Variants in SHLD1 observed in about 807,000 individuals in gnomAD.
The protein encoded by SHLD1 is shieldin complex subunit 1.
SHLD1 carries 3 observed loss-of-function variants against 5.5 expected under a neutral mutation model. That is an observed-to-expected ratio of 0.54 (90% CI 0.25 to 1.40). The LOEUF (loss-of-function observed/expected upper bound fraction) is 1.40. Ranked by LOEUF, SHLD1 falls within the 40% of genes most tolerant of loss-of-function variation. The pLI is 0.15. For synonymous variants in SHLD1, 92 were observed against 94.3 expected (o/e 0.98, Z 0.14); for missense variants, 210 against 244.4 (o/e 0.86, Z 0.94).
chr20:5,751,380 C>T (rs1983740434), intron 1 of SHLD1, among the ~76,000 whole-genome samples: 1 of 152,136 alleles, frequency 6.6e-6, no homozygotes, highest in South Asian at 2.1e-4. Context: ...GATCTTGGCT[C>T]ACTGCAACCT....
In SHLD1 at chr20:5,855,298, G is replaced by A. The variant is rs1486170721; in HGVS notation, c.179-7726G>A. Among the ~76,000 whole-genome samples the A allele has an allele frequency of 1.3e-5, 2 of 152,124 alleles. No homozygotes were observed. Among genetic ancestry groups the A allele is most frequent in the African/African-American group, 4.8e-5 (2 of 41,406 alleles). On this transcript the variant is annotated intron_variant, in intron 2 of 2. Transcript: ENST00000303142. The surrounding 1 kb of genome is among the most constrained non-coding windows in gnomAD (Gnocchi z 4.4). The stretch of plus-strand genomic sequence containing the variant: ...GTCCTCAGGGTTCGTTCATGTTGTA[G>A]CGTGTGTCACAGTGTCCTTTCTTTT...
chr20:5,860,057 C>T (rs2122512630), intron 2 of SHLD1, among the ~76,000 whole-genome samples: 1 of 152,200 alleles, frequency 6.6e-6, no homozygotes, highest in African/African-American at 2.4e-5. Flanking sequence ...TGGGCATCCC[C>T]CGCTCTCTCC....
chr20:5,780,759 G>T (rs1027808769), intron 2 of SHLD1, among the ~76,000 whole-genome samples: 1 of 152,130 alleles, frequency 6.6e-6, no homozygotes, highest in Non-Finnish European at 1.5e-5. Flanking sequence ...CTTCATCTCA[G>T]GATTGCTCCT....
intron 1 of SHLD1, among the ~76,000 whole-genome samples, chr20:5,750,919 C>G (rs1042954896): frequency 6.6e-6 from 1 of 152,210 alleles, no homozygotes; most frequent in Admixed American, 6.6e-5. Context: ...ATCGCTTGTG[C>G]CCCGGAGTTC....
intron 2 of SHLD1, among the ~76,000 whole-genome samples, chr20:5,826,765 A>G (rs147360801): frequency 3.0e-3 from 453 of 152,268 alleles, no homozygotes; most frequent in African/African-American, 0.011. Context: ...CAGTTTCCTC[A>G]TCTGTTAAAT....
chr20:5,774,095 T>C (rs1985316052), intron 2 of SHLD1, among the ~76,000 whole-genome samples: 1 of 151,918 alleles, frequency 6.6e-6, no homozygotes, highest in South Asian at 2.1e-4. Context: ...TACCAGCTAC[T>C]CGGGAGGCTG....
chr20:5,770,066 G>A (rs568127619), intron 1 of SHLD1, among the ~76,000 whole-genome samples: 9 of 151,228 alleles, frequency 6.0e-5, no homozygotes, highest in East Asian at 5.8e-4. Flanking sequence ...GGTGAATGGC[G>A]CAGGCACTGT....
At chr20:5,794,080 T>A (rs1159515167) in intron 2 of SHLD1, among the ~76,000 whole-genome samples, 2 of 152,154 alleles carry the variant, frequency 1.3e-5, no homozygotes, top group Non-Finnish European at 2.9e-5. Context: ...TCTGATTGTT[T>A]GTTTGTTTTG....
chr20:5,810,643 C>T (rs897362500), intron 2 of SHLD1, among the ~76,000 whole-genome samples: 1 of 151,614 alleles, frequency 6.6e-6, no homozygotes, highest in Non-Finnish European at 1.5e-5. Context: ...CCTATAATCC[C>T]AGCACCTTGG....
At chr20:5,770,435 G>C (rs1985091957) in intron 1 of SHLD1, among the ~76,000 whole-genome samples, 1 of 152,168 alleles carries the variant, frequency 6.6e-6, no homozygotes, top group South Asian at 2.1e-4. Context: ...TGGAGGACAT[G>C]AAAGTTCTTC....
chr20:5,763,209 G>A (rs1428497075), intron 1 of SHLD1, among the ~76,000 whole-genome samples: 1 of 150,658 alleles, frequency 6.6e-6, no homozygotes, highest in East Asian at 2.0e-4. Flanking sequence ...AGAAGGTTGA[G>A]GCAGGAGAAT....
At chr20:5,814,654 C>CTTTTTTTTTTTTTTTTTTTTTT (rs148119460) in intron 2 of SHLD1, among the ~76,000 whole-genome samples, 1 of 103,810 alleles carries the variant, frequency 9.6e-6, no homozygotes, top group Non-Finnish European at 1.9e-5. Context: ...TTTTCTTCTT[C>CTTTTTTTTTTTTTTTTTTTTTT]TTTTTTTTTT....
chr20:5,781,173 G>A (rs1004597294), intron 2 of SHLD1, among the ~76,000 whole-genome samples: 2 of 152,148 alleles, frequency 1.3e-5, no homozygotes, highest in East Asian at 1.9e-4. Context: ...AGCAGGTGCA[G>A]GATTATAAAA....
rs73596137 is a variant in SHLD1, at chr20:5,759,360, A to G, written c.-5+8881A>G. Among the ~76,000 whole-genome samples, 162 of 151,998 alleles carry G rather than the reference A, an allele frequency of 1.1e-3. 5 individuals carry two copies. In the East Asian group the frequency reaches 0.029, roughly 27 times the overall value. ...CTGCAACCTCTGCCTCTTGGCTTCA[A>G]GCGATTCTCATGCCTCAGCCTCTCC... On this transcript the variant is annotated intron_variant, in intron 1 of 2. Coordinates refer to ENST00000303142, the MANE Select transcript of SHLD1 (RefSeq NM_152504.4).
At chr20:5,792,067 T>C (rs1424111140) in intron 2 of SHLD1, among the ~76,000 whole-genome samples, 1 of 152,248 alleles carries the variant, frequency 6.6e-6, no homozygotes, top group African/African-American at 2.4e-5. Context: ...TTTTTTGTTA[T>C]TGAGTTGTAG....
chr20:5,855,592 G>A lies in SHLD1; in HGVS notation c.179-7432G>A, dbSNP rs1168882062. Among the ~76,000 whole-genome samples the A allele has an allele frequency of 6.6e-6, 1 of 151,974 alleles. No individual in the cohort carries two copies. The highest frequency in any genetic ancestry group is 1.5e-5 in the Non-Finnish European group (1 of 67,984). ...TCATCATGTTGCCCAGGCTGGTCTT[G>A]AACTCCTGGGCTCAAGAGATCCACT... On this transcript the variant is annotated intron_variant, in intron 2 of 2. Transcript: ENST00000303142. This position sits in a 1 kb window ranked among gnomAD's most constrained non-coding sequence, Gnocchi z 4.4.
intron 2 of SHLD1, among the ~76,000 whole-genome samples, chr20:5,779,724 C>T (rs1325160403): frequency 6.6e-6 from 1 of 152,164 alleles, no homozygotes; most frequent in Non-Finnish European, 1.5e-5. Context: ...GGGTGACTCA[C>T]CATTGGTCTC....
At chr20:5,848,334 G>C (rs1600176450) in intron 2 of SHLD1, among the ~76,000 whole-genome samples, 1 of 152,186 alleles carries the variant, frequency 6.6e-6, no homozygotes, top group East Asian at 1.9e-4. Context: ...GAGGCCAGGA[G>C]TTTGAGAACA....
intron 2 of SHLD1, among the ~76,000 whole-genome samples, chr20:5,854,058 T>C (rs143318128): frequency 9.3e-5 from 14 of 150,358 alleles, no homozygotes; most frequent in African/African-American, 3.2e-4. Context: ...CAGGCTGGAG[T>C]GCAATGGTGT....
Sources: allele counts gnomAD v4.1 joint callset (sites outside exome capture counted in the v4.1 genomes callset), GRCh38; gene constraint gnomAD v4.1.1; non-coding constraint Gnocchi (gnomAD v3.1); transcripts MANE v1.5; gene names NCBI Gene and HGNC (gene_info 2026-07-23, HGNC 2026-07-21).